SERPINB6: variants seen among roughly 807,000 people sequenced by gnomAD.
SERPINB6 encodes serpin family B member 6.
A neutral mutation model predicts 26.1 loss-of-function variants in SERPINB6; 16 were observed. That is an observed-to-expected ratio of 0.61 (90% confidence interval 0.42 to 0.93). The LOEUF is 0.93. Ranked by LOEUF, SERPINB6 falls within the 40% of genes least tolerant of loss-of-function variation. SERPINB6 has a pLI of 0.00. For missense variants in SERPINB6, 420 were observed against 478.0 expected, an observed-to-expected ratio of 0.88 and a Z score of 1.13; for synonymous variants, 174 against 176.6, an observed-to-expected ratio of 0.99 and a Z score of 0.11.
At chr6:2,957,681 A>T (rs1321082690) in intron 2 of SERPINB6, 1 of 152,286 alleles carries the variant, frequency 6.6e-6, no homozygotes, top group Non-Finnish European at 1.5e-5. Flanking sequence ...AGGCACTTGT[A>T]ACAGCTTGGA....
intron 1 of SERPINB6, chr6:2,969,466 T>TA (rs1280746392): frequency 3.5e-5 from 34 of 976,308 alleles, no homozygotes; most frequent in Non-Finnish European, 2.3e-5. Flanking sequence ...ATCACAGACA[T>TA]AAAAACTGGA....
chr6:2,967,180 G>A lies in SERPINB6; in HGVS notation c.-11+4353C>T, dbSNP rs1461144486. 1 of 985,304 alleles carries A rather than the reference G, an allele frequency of 1.0e-6. No individual in the cohort carries two copies. Among genetic ancestry groups the A allele is most frequent in the African/African-American group, 1.7e-5 (1 of 57,200 alleles). The allele number at this position is 985,304 out of a possible 1,614,324, so 61.0% of individuals were successfully genotyped here. ...AGCCACCCAGACTCCTCGAGTTGGA[G>A]GGATCTGTTAACCTGCCCAGGGCAC... On this transcript the variant is annotated intron_variant, in intron 1 of 6. Coordinates refer to ENST00000380539, the MANE Select transcript of SERPINB6 (RefSeq NM_004568.6). The surrounding 1 kb of genome is among the most constrained non-coding windows in gnomAD (Gnocchi z 4.3).
intron 1 of SERPINB6, chr6:2,970,255 A>G: frequency 5.1e-6 from 5 of 985,384 alleles, no homozygotes; most frequent in Non-Finnish European, 6.0e-6. Context: ...GGTCCGTGTT[A>G]ACTGTTTCAT....
At chr6:2,959,017 G>A in intron 2 of SERPINB6, 151 bp downstream of exon 2, 1 of 1,025,252 alleles carries the variant, frequency 9.8e-7, no homozygotes, top group East Asian at 2.6e-5. Flanking sequence ...GGGTGCTCCA[G>A]CATGGGTGGC....
In SERPINB6 at chr6:2,948,919, T is replaced by G. The variant is rs1412915677; in HGVS notation, c.724A>C (p.Arg242=). 1.9e-6 allele frequency: 3 copies of G among 1,614,226 alleles called. No individual in the cohort carries two copies. The highest frequency in any genetic ancestry group is 1.3e-5 in the African/African-American group (1 of 75,066). The change falls in exon 6 of 7, where the codon AGA becomes CGA. Residue 242 remains arginine (R), a synonymous_variant. Coordinates refer to ENST00000380539, the MANE Select transcript of SERPINB6 (RefSeq NM_004568.6). The surrounding 1 kb of genome is among the most constrained non-coding windows in gnomAD (Gnocchi z 5.0). ...IMLPDETTDL[R]TVEKELTYEK... ...GCTCACAGCTTAGCTGTTACCGTTCTCAAGTCAGTGGTCTCGTCCGGAAGC... is the reference window on the plus strand; with the variant it reads ...GCTCACAGCTTAGCTGTTACCGTTCGCAAGTCAGTGGTCTCGTCCGGAAGC...
intron 1 of SERPINB6, among the ~76,000 whole-genome samples, chr6:2,961,740 G>T (rs1369527871): frequency 6.6e-6 from 1 of 150,782 alleles, no homozygotes; most frequent in Non-Finnish European, 1.5e-5. Flanking sequence ...GAGGCTGCCA[G>T]GTGAGATGGC....
In SERPINB6 at chr6:2,948,544, G is replaced by A. The variant is rs1243181212; in HGVS notation, c.885C>T (p.Phe295=). The A allele has an allele frequency of 5.0e-6, 8 of 1,614,154 alleles. No homozygotes were observed. Among genetic ancestry groups the A allele is most frequent in the Admixed American group, 1.7e-5 (1 of 60,020 alleles). ...VLRNLGMTDA[F]ELGKADFSGM... is the part of the protein sequence containing the mutation. The stretch of plus-strand genomic sequence containing the variant: ...CAGAGAAGTCTGCCTTGCCCAGCTC[G>A]AAGGCATCAGTCATGCCCAGGTTGC... The change falls in exon 7 of 7, where the codon TTC becomes TTT. Residue 295 remains phenylalanine (F), a synonymous_variant. Coordinates refer to ENST00000380539, the MANE Select transcript of SERPINB6 (RefSeq NM_004568.6). This position sits in a 1 kb window ranked among gnomAD's most constrained non-coding sequence, Gnocchi z 5.0.
chr6:2,958,234 T>C (rs1477348322), intron 2 of SERPINB6: 1 of 152,204 alleles, frequency 6.6e-6, no homozygotes, highest in Non-Finnish European at 1.5e-5. Context: ...GAGAAAACAG[T>C]GTCTACAAGC....
chr6:2,966,403 A>T, intron 1 of SERPINB6: 1 of 986,872 alleles, frequency 1.0e-6, no homozygotes, highest in Non-Finnish European at 1.2e-6. Context: ...CACTTACTTT[A>T]TATGCAGGAG....
chr6:2,968,662 C>T, intron 1 of SERPINB6: 1 of 1,226,886 alleles, frequency 8.2e-7, no homozygotes, highest in Non-Finnish European at 1.0e-6. Context: ...CTGGTGTTTG[C>T]TTTATTTTAT....
chr6:2,953,264 TCTC>T, intron 4 of SERPINB6, 78 bp from the exon 5 acceptor site: 3 of 1,589,994 alleles, frequency 1.9e-6, no homozygotes, highest in East Asian at 4.5e-5. Flanking sequence ...GCTGGGGCCT[TCTC>T]CTTCAGCAGT....
chr6:2,948,748 G>T lies in SERPINB6; in HGVS notation c.730-49C>A. 1 of 1,589,028 alleles carries T rather than the reference G, an allele frequency of 6.3e-7. No individual in the cohort carries two copies. On this transcript the variant is annotated intron_variant, in intron 6 of 6. Transcript: ENST00000380539. The surrounding 1 kb of genome is among the most constrained non-coding windows in gnomAD (Gnocchi z 5.0). ...TTAAGACCCAGGGTGCTGCTGCCCA[G>T]CAGGGCCCTGTGCTATGCTGTGGAT...
At chr6:2,958,147 A>G (rs555073876) in intron 2 of SERPINB6, 4 of 152,336 alleles carry the variant, frequency 2.6e-5, no homozygotes, top group Non-Finnish European at 5.9e-5. Flanking sequence ...CTTTAATCCA[A>G]TAGGACTCAT....
intron 1 of SERPINB6, chr6:2,961,800 G>A (rs922182519): frequency 1.0e-6 from 1 of 982,548 alleles, no homozygotes; most frequent in Admixed American, 6.2e-5. Flanking sequence ...CATGTCAGCT[G>A]GCCAGGGGAA....
At chr6:2,958,430 G>A (rs1770728135) in intron 2 of SERPINB6, among the ~76,000 whole-genome samples, 1 of 152,194 alleles carries the variant, frequency 6.6e-6, no homozygotes, top group Admixed American at 6.5e-5. Context: ...TGGCAGTGGG[G>A]CCTTGGCAAG....
At chr6:2,968,830 T>A (rs553911318) in intron 1 of SERPINB6, 26 of 1,231,654 alleles carry the variant, frequency 2.1e-5, no homozygotes, top group Admixed American at 8.4e-5. Context: ...GGAGCTTCAC[T>A]GCAGTGTGCT....
chr6:2,965,349 G>GA (rs1771518295), intron 1 of SERPINB6, among the ~76,000 whole-genome samples: 1 of 152,242 alleles, frequency 6.6e-6, no homozygotes, highest in Admixed American at 6.5e-5. Flanking sequence ...ACGCCGAAGA[G>GA]AAATGTTCAT....
chr6:2,958,374 C>T (rs946757503), intron 2 of SERPINB6, among the ~76,000 whole-genome samples: 8 of 152,322 alleles, frequency 5.3e-5, no homozygotes, highest in East Asian at 1.9e-4. Flanking sequence ...CTGTGGTGTG[C>T]GCACCCTCTC....
At position 2,948,562 on chromosome 6, in the gene SERPINB6, C is replaced by T. The variant is rs1769379522; in HGVS notation, c.867G>A (p.Leu289=). ...CCAGCTCGAAGGCATCAGTCATGCC[C>T]AGGTTGCGCAGGACACTCTCCATGT... ...SYDMESVLRN[L]GMTDAFELGK... is the part of the protein sequence containing the mutation. The change falls in exon 7 of 7, where the codon CTG becomes CTA. Residue 289 remains leucine (L), a synonymous_variant. Coordinates refer to ENST00000380539, the MANE Select transcript of SERPINB6 (RefSeq NM_004568.6). The surrounding 1 kb of genome is among the most constrained non-coding windows in gnomAD (Gnocchi z 5.0). 6.2e-7 allele frequency: 1 copy of T among 1,614,074 alleles called. No individual in the cohort carries two copies. The highest frequency in any genetic ancestry group is 8.5e-7 in the Non-Finnish European group (1 of 1,180,044).
Sources: allele counts gnomAD v4.1 joint callset (sites outside exome capture counted in the v4.1 genomes callset), GRCh38; gene constraint gnomAD v4.1.1; non-coding constraint Gnocchi (gnomAD v3.1); transcripts MANE v1.5; gene names NCBI Gene and HGNC (gene_info 2026-07-23, HGNC 2026-07-21).